TM4SF5: variants seen among roughly 807,000 people sequenced by gnomAD.
TM4SF5 encodes transmembrane 4 L6 family member 5.
Under a neutral mutation model 22.3 loss-of-function variants are expected in TM4SF5, and 16 were observed. The observed-to-expected ratio is 0.72, with a 90% CI of 0.49 to 1.09. The LOEUF is 1.09. Among genes scored for constraint, TM4SF5 ranks in the 50% least tolerant of loss-of-function variants. The pLI is 0.00. For missense variants in TM4SF5, 249 were observed against 266.1 expected (o/e 0.94, Z 0.45); for synonymous variants, 113 against 109.6 (o/e 1.03, Z -0.19).
intron 1 of TM4SF5, among the ~76,000 whole-genome samples, chr17:4,773,212 T>C (rs185054959): frequency 1.8e-3 from 275 of 152,058 alleles, no homozygotes; most frequent in Non-Finnish European, 2.3e-3. Flanking sequence ...CTTACATTTT[T>C]TGTAGAGACG....
At chr17:4,781,330 C>A (rs752289114) in intron 2 of TM4SF5, among the ~76,000 whole-genome samples, 2 of 142,448 alleles carry the variant, frequency 1.4e-5, no homozygotes, top group African/African-American at 2.7e-5. Flanking sequence ...AACTCTGTCT[C>A]AAAAAAAAGA....
intron 3 of TM4SF5, 78 bp from the exon 4 acceptor site, chr17:4,782,776 C>A: frequency 6.4e-7 from 1 of 1,571,542 alleles, no homozygotes; most frequent in Non-Finnish European, 8.6e-7. Flanking sequence ...CTTAGCAAAT[C>A]CCCTGGGACG....
At chr17:4,776,743 G>A (rs955157623) in intron 1 of TM4SF5, among the ~76,000 whole-genome samples, 3 of 152,194 alleles carry the variant, frequency 2.0e-5, no homozygotes, top group African/African-American at 7.2e-5. Flanking sequence ...TAAAACTGCT[G>A]ATTCTTAAGA....
intron 1 of TM4SF5, among the ~76,000 whole-genome samples, chr17:4,775,786 C>G (rs1567707449): frequency 6.6e-6 from 1 of 152,112 alleles, no homozygotes; most frequent in Non-Finnish European, 1.5e-5. Flanking sequence ...AACCACTATT[C>G]TGTCTTCTAA....
At chr17:4,772,527 C>A (rs553016529) in intron 1 of TM4SF5, among the ~76,000 whole-genome samples, 1 of 152,254 alleles carries the variant, frequency 6.6e-6, no homozygotes, top group South Asian at 2.1e-4. Flanking sequence ...ACGGATCAGT[C>A]ACCCTCGCTT....
intron 1 of TM4SF5, among the ~76,000 whole-genome samples, chr17:4,776,482 A>G (rs1376432541): frequency 2.0e-5 from 3 of 151,606 alleles, no homozygotes; most frequent in Non-Finnish European, 4.4e-5. Context: ...TTGTATTTTT[A>G]GTAGAGACGG....
At position 4,771,926 on chromosome 17, in the gene TM4SF5, T is replaced by G. The variant is rs748531539; in HGVS notation, c.4T>G (p.Cys2Gly). 1 of 1,614,168 alleles carries G rather than the reference T, an allele frequency of 6.2e-7. No homozygotes were observed. The highest frequency in any genetic ancestry group is 2.2e-5 in the East Asian group (1 of 44,874). The change falls in exon 1 of 5, where the codon TGT becomes GGT. Residue 2 changes from cysteine (C) to glycine (G), a missense_variant. Cys to Gly is a radical substitution (Grantham distance 159). Transcript: ENST00000270560. The stretch of plus-strand genomic sequence containing the variant: ...CTGTCCTTCCTGACACCTCACCATG[T>G]GTACGGGAAAATGTGCCCGCTGTGT... Reference protein sequence around the residue: MCTGKCARCVGL... With the variant: MGTGKCARCVGL...
chr17:4,773,917 T>C (rs746016037), intron 1 of TM4SF5, among the ~76,000 whole-genome samples: 24 of 152,078 alleles, frequency 1.6e-4, no homozygotes, highest in Non-Finnish European at 3.4e-4. Flanking sequence ...CCAGAGTCAC[T>C]CTCAAGAAGC....
chr17:4,780,746 G>A (rs1221430109), intron 1 of TM4SF5, 43 bp from the exon 2 acceptor site: 1 of 1,549,366 alleles, frequency 6.5e-7, no homozygotes, highest in East Asian at 2.3e-5. Flanking sequence ...CAGGCCTGGA[G>A]GATCTGGGGG....
At chr17:4,772,123 C>T (rs372473987) in intron 1 of TM4SF5, 24 bp downstream of exon 1, 24 of 1,613,624 alleles carry the variant, frequency 1.5e-5, no homozygotes, top group African/African-American at 8.0e-5. Flanking sequence ...CAGGGGAGCC[C>T]GGGCCAGCTG....
intron 2 of TM4SF5, among the ~76,000 whole-genome samples, chr17:4,782,120 G>A (rs1000193585): frequency 2.0e-5 from 3 of 150,508 alleles, no homozygotes; most frequent in Non-Finnish European, 1.5e-5. Flanking sequence ...TTTTTGAGAC[G>A]GGGTCTGGCT....
At chr17:4,782,832 C>T (rs1477357653) in intron 3 of TM4SF5, 22 bp from the exon 4 acceptor site, 3 of 1,603,154 alleles carry the variant, frequency 1.9e-6, no homozygotes, top group Admixed American at 1.7e-5. Flanking sequence ...CCTTCTCCCA[C>T]GTGGCCTCAC....
In TM4SF5 at chr17:4,779,051, G is replaced by A. The variant is rs542598918; in HGVS notation, c.178-1738G>A. Among the ~76,000 whole-genome samples the A allele has an allele frequency of 1.3e-4, 17 of 133,600 alleles. No homozygotes were observed. The South Asian group carries it at 2.4e-3, about 19-fold the overall frequency. 87.6% of individuals were successfully genotyped at this position (133,600 alleles called of 152,430 possible). A position where few individuals can be genotyped will look rare whatever the true frequency, so the allele number is the denominator to read the frequency against. On this transcript the variant is annotated intron_variant, in intron 1 of 4. Transcript: ENST00000270560. ...CAACCTGGTGACAGAGTGAGACTCC[G>A]TCTCAAAAAAAAAAAAAAAAAAAGA...
At chr17:4,780,202 T>G (rs1917275841) in intron 1 of TM4SF5, among the ~76,000 whole-genome samples, 1 of 152,002 alleles carries the variant, frequency 6.6e-6, no homozygotes, top group South Asian at 2.1e-4. Context: ...ATTATAGGCA[T>G]GCGCCACCAC....
At chr17:4,774,291 G>A (rs1311973325) in intron 1 of TM4SF5, among the ~76,000 whole-genome samples, 1 of 152,104 alleles carries the variant, frequency 6.6e-6, no homozygotes, top group African/African-American at 2.4e-5. Context: ...TGAAGCTTGT[G>A]TTCCCTTTGG....
Position 4,783,026 on chromosome 17 carries a change from A to G in TM4SF5, c.568A>G (p.Arg190Gly). 1 of 1,614,116 alleles carries G rather than the reference A, an allele frequency of 6.2e-7. No homozygotes were observed. Among genetic ancestry groups the G allele is most frequent in the Non-Finnish European group, 8.5e-7 (1 of 1,179,970 alleles). ...ATIGVFCGDC[R>G]KKQDTPH ...CATTGGTGTCTTCTGCGGCGATTGC[A>G]GGAAAAAACAGGTGAAATTTCTTGC... Residue 190 changes from arginine (R) to glycine (G), a missense_variant, in exon 4 of 5, where the codon AGG becomes GGG. By Grantham distance (125) the Arg-to-Gly change is moderately radical. Transcript: ENST00000270560.
chr17:4,779,295 GACGCATGCCTGCGAT>G (rs1917257752), intron 1 of TM4SF5, among the ~76,000 whole-genome samples: 1 of 152,024 alleles, frequency 6.6e-6, no homozygotes, highest in Admixed American at 6.6e-5. Context: ...TGGGAATGAT[GACGCATGCCTGCGAT>G]ACCAGCTACT....
At chr17:4,778,438 A>C (rs1917244248) in intron 1 of TM4SF5, among the ~76,000 whole-genome samples, 1 of 151,942 alleles carries the variant, frequency 6.6e-6, no homozygotes, top group South Asian at 2.1e-4. Flanking sequence ...ACATGGTAAG[A>C]CATGAACTCT....
At chr17:4,775,438 G>C (rs1315040695) in intron 1 of TM4SF5, among the ~76,000 whole-genome samples, 1 of 148,258 alleles carries the variant, frequency 6.7e-6, no homozygotes, top group East Asian at 2.0e-4. Flanking sequence ...TTTTTTTTTT[G>C]TATTTTTAGT....
Sources: allele counts gnomAD v4.1 joint callset (sites outside exome capture counted in the v4.1 genomes callset), GRCh38; gene constraint gnomAD v4.1.1; transcripts MANE v1.5; gene names NCBI Gene and HGNC (gene_info 2026-07-23, HGNC 2026-07-21).